CNBD1: variants seen among roughly 807,000 people sequenced by gnomAD.
CNBD1 encodes the protein cyclic nucleotide-binding domain-containing protein 1.
Under a neutral mutation model 54.4 loss-of-function variants are expected in CNBD1, and 71 were observed. That is an observed-to-expected ratio of 1.30 (90% CI 1.08 to 1.59). CNBD1 has a LOEUF of 1.59. Among genes scored for constraint, CNBD1 ranks in the 40% most tolerant of loss-of-function variants. CNBD1 has a pLI of 0.00. For missense variants in CNBD1, 659 were observed against 518.0 expected (o/e 1.27, Z -2.64); for synonymous variants, 182 against 170.7 (o/e 1.07, Z -0.51).
In CNBD1 at chr8:86,866,486, A is replaced by G; in HGVS notation, c.-10A>G. The G allele has an allele frequency of 1.2e-6, 2 of 1,605,520 alleles. No homozygotes were observed. The highest frequency in any genetic ancestry group is 2.2e-5 in the South Asian group (2 of 89,280). ...GCCTCTGGTCATCTATCTGCCTTTG[A>G]GCCATCAAGATGCCGATGTCTTCTC... is the stretch of plus-strand genomic sequence containing the variant. On this transcript the variant is annotated 5_prime_UTR_variant, in exon 1 of 11. Transcript: ENST00000518476.
intron 8 of CNBD1, among the ~76,000 whole-genome samples, chr8:87,292,839 T>C (rs1177107374): frequency 1.3e-5 from 2 of 152,138 alleles, no homozygotes; most frequent in African/African-American, 4.8e-5. Flanking sequence ...ATCCCCTGTT[T>C]CACACGTGAT....
intron 2 of CNBD1, among the ~76,000 whole-genome samples, chr8:87,403,837 C>G (rs1326253006): frequency 6.6e-6 from 1 of 151,622 alleles, no homozygotes; most frequent in African/African-American, 2.4e-5. Context: ...CTTTTGGATC[C>G]CTGGATGCAT....
Position 86,947,533 on chromosome 8 carries a change from G to A in CNBD1, c.431+7779G>A, listed in dbSNP as rs529035800. Among the ~76,000 whole-genome samples the A allele has an allele frequency of 2.6e-5, 4 of 152,206 alleles. No homozygotes were observed. The South Asian group carries it at 6.2e-4, about 24-fold the overall frequency. ...CGTTGGACAAAAATTCTTCCCTGGAGCATTCATGCTCAATTTCATTTTTTT... is the reference window on the plus strand; with the variant it reads ...CGTTGGACAAAAATTCTTCCCTGGAACATTCATGCTCAATTTCATTTTTTT... On this transcript the variant is annotated intron_variant, in intron 4 of 10. Transcript: ENST00000518476.
intron 2 of CNBD1, among the ~76,000 whole-genome samples, chr8:87,412,787 C>T (rs571454471): frequency 2.0e-5 from 3 of 151,042 alleles, no homozygotes; most frequent in Non-Finnish European, 4.4e-5. Context: ...AAAGGGGAAA[C>T]ATCAAGAAGA....
At chr8:86,878,109 A>T (rs370866864) in intron 1 of CNBD1, among the ~76,000 whole-genome samples, 5,672 of 82,364 alleles carry the variant, frequency 0.069, 353 homozygotes, top group African/African-American at 0.23. Context: ...TGTGTGTGAG[A>T]GAGAGAGAGA....
chr8:87,379,174 A>T (rs1419545773), intron 10 of CNBD1, among the ~76,000 whole-genome samples: 2 of 152,088 alleles, frequency 1.3e-5, no homozygotes, highest in South Asian at 4.2e-4. Flanking sequence ...TGCCCTGGCC[A>T]GAAGTTCCAA....
intron 3 of CNBD1, among the ~76,000 whole-genome samples, chr8:86,935,053 T>A (rs1027867649): frequency 1.4e-5 from 2 of 140,172 alleles, no homozygotes; most frequent in African/African-American, 6.0e-5. Flanking sequence ...TTATTTATTT[T>A]GAGACAGAGT....
chr8:87,088,347 G>T (rs1488906328), intron 4 of CNBD1, among the ~76,000 whole-genome samples: 2 of 152,096 alleles, frequency 1.3e-5, no homozygotes, highest in African/African-American at 4.8e-5. Flanking sequence ...AAGTGGTCCT[G>T]GTTATATCCT....
At chr8:86,912,434 A>G (rs1809114919) in intron 3 of CNBD1, among the ~76,000 whole-genome samples, 1 of 152,180 alleles carries the variant, frequency 6.6e-6, no homozygotes, top group Non-Finnish European at 1.5e-5. Context: ...CACATATACC[A>G]TGGTGGTCCC....
chr8:86,884,121 C>T (rs1416825725), intron 1 of CNBD1, among the ~76,000 whole-genome samples: 1 of 151,272 alleles, frequency 6.6e-6, no homozygotes, highest in Non-Finnish European at 1.5e-5. Flanking sequence ...CACTGCACTC[C>T]AGCCTGGGCG....
At chr8:87,301,403 C>T (rs1195484406) in intron 8 of CNBD1, among the ~76,000 whole-genome samples, 1 of 152,072 alleles carries the variant, frequency 6.6e-6, no homozygotes, top group African/African-American at 2.4e-5. Context: ...AAAAAGAAAA[C>T]TACAGACCAA....
rs1807599336 is a variant in CNBD1 at position 87,237,080 on chromosome 8, G to C, written c.739G>C (p.Ala247Pro). The C allele has an allele frequency of 1.9e-6, 3 of 1,611,268 alleles. No homozygotes were observed. In the African/African-American group the frequency reaches 4.0e-5, roughly 22 times the overall value. The change falls in exon 6 of 11, where the codon GCT becomes CCT. Residue 247 changes from alanine (A) to proline (P), a missense_variant. Transcript: ENST00000518476. Reference protein sequence around the residue: ...WSEEFKNSTLAEMYLPSYDSM... With the variant: ...WSEEFKNSTLPEMYLPSYDSM... Reference sequence around the variant, plus strand: ...TGAAGAATTCAAAAACTCTACACTTGCTGAGATGTACCTACCTTCATATGA... The same window carrying C: ...TGAAGAATTCAAAAACTCTACACTTCCTGAGATGTACCTACCTTCATATGA...
At chr8:87,422,934 T>A (rs893508040) in intron 2 of CNBD1, among the ~76,000 whole-genome samples, 1 of 152,004 alleles carries the variant, frequency 6.6e-6, no homozygotes, top group Non-Finnish European at 1.5e-5. Flanking sequence ...TTTGTTTGTA[T>A]CCTCTTTTAT....
intron 4 of CNBD1, among the ~76,000 whole-genome samples, chr8:87,042,327 A>G (rs1810089677): frequency 2.0e-5 from 3 of 152,222 alleles, no homozygotes; most frequent in South Asian, 2.1e-4. Context: ...CAAATGAGCC[A>G]TCAGCCCAGG....
rs1018659096 is a variant in CNBD1 at position 87,147,183 on chromosome 8, T to A, written c.432-58810T>A. On this transcript the variant is annotated intron_variant, in intron 4 of 10. Coordinates refer to ENST00000518476, the MANE Select transcript of CNBD1 (RefSeq NM_173538.3). The stretch of plus-strand genomic sequence containing the variant: ...GACTACTAGAGTTACCTAGTCACTC[T>A]GTACTAAATGCCTTATTTTTTCTCT... 2.0e-5 allele frequency among the ~76,000 whole-genome samples: 3 copies of A among 152,172 alleles called. No individual in the cohort carries two copies. The South Asian group carries it at 6.2e-4, about 31-fold the overall frequency.
intron 10 of CNBD1, among the ~76,000 whole-genome samples, chr8:87,358,586 G>A (rs181271177): frequency 6.6e-6 from 1 of 151,982 alleles, no homozygotes; most frequent in Admixed American, 6.6e-5. Context: ...GAACCAATAG[G>A]ATATATATAA....
chr8:87,324,050 A>G (rs1452572920), intron 8 of CNBD1, among the ~76,000 whole-genome samples: 3 of 125,614 alleles, frequency 2.4e-5, no homozygotes, highest in South Asian at 2.4e-4. Context: ...TTCTGCATCT[A>G]TTGAGATAAT....
At chr8:87,398,291 A>G (rs1811444701) in intron 2 of CNBD1, among the ~76,000 whole-genome samples, 1 of 151,754 alleles carries the variant, frequency 6.6e-6, no homozygotes, top group South Asian at 2.1e-4. Context: ...GACATTTTCC[A>G]TTTCTAGTAC....
At chr8:87,179,234 G>A (rs1813260988) in intron 4 of CNBD1, among the ~76,000 whole-genome samples, 1 of 152,088 alleles carries the variant, frequency 6.6e-6, no homozygotes, top group Non-Finnish European at 1.5e-5. Context: ...AAAATATGCA[G>A]GAAACTTCGA....
Sources: allele counts gnomAD v4.1 joint callset (sites outside exome capture counted in the v4.1 genomes callset), GRCh38; gene constraint gnomAD v4.1.1; transcripts MANE v1.5; gene names NCBI Gene and HGNC (gene_info 2026-07-23, HGNC 2026-07-21).